LRRFIP1: variants seen among roughly 807,000 people sequenced by gnomAD.
The protein encoded by LRRFIP1 is leucine-rich repeat flightless-interacting protein 1.
LRRFIP1 carries 62 observed loss-of-function variants against 104.4 expected under a neutral mutation model. The observed-to-expected ratio is 0.59, with a 90% confidence interval of 0.48 to 0.73. The LOEUF (loss-of-function observed/expected upper bound fraction) is 0.73. Ranked by LOEUF, LRRFIP1 falls within the 30% of genes least tolerant of loss-of-function variation. The pLI is 0.00. For synonymous variants in LRRFIP1, 300 were observed against 299.0 expected (o/e 1.00, Z -0.03); for missense variants, 796 against 824.5 (o/e 0.97, Z 0.42).
chr2:237,775,727 A>T (rs1312523276), intron 23 of LRRFIP1, among the ~76,000 whole-genome samples: 4 of 152,116 alleles, frequency 2.6e-5, no homozygotes. Context: ...AGTCTCAGCT[A>T]CTTGGGAGGC....
intron 1 of LRRFIP1, among the ~76,000 whole-genome samples, chr2:237,656,855 C>G (rs2086902134): frequency 6.6e-6 from 1 of 152,156 alleles, no homozygotes; most frequent in South Asian, 2.1e-4. Flanking sequence ...TAATAAAATG[C>G]AACTGCTCCT....
intron 1 of LRRFIP1, among the ~76,000 whole-genome samples, chr2:237,664,432 G>A (rs557050125): frequency 7.9e-5 from 12 of 152,382 alleles, no homozygotes; most frequent in African/African-American, 2.9e-4. Context: ...CGGTGTGGCA[G>A]TGTGTTCAGC....
rs986788039 is a variant in LRRFIP1, at chr2:237,781,251, G to A, written c.*1719G>A. Among the ~76,000 whole-genome samples the A allele has an allele frequency of 5.9e-5, 9 of 152,226 alleles. No homozygotes were observed. Among genetic ancestry groups the A allele is most frequent in the East Asian group, 1.9e-4 (1 of 5,200 alleles). On this transcript the variant is annotated 3_prime_UTR_variant, in exon 24 of 24. Coordinates refer to ENST00000308482, the MANE Select transcript of LRRFIP1 (RefSeq NM_001137550.2). ...ACTCACACATCACGCAGACACGGCC[G>A]GCAGCATGCTGACGCTTTTAGGTAT...
chr2:237,640,871 AC>A (rs2083852827), intron 1 of LRRFIP1, among the ~76,000 whole-genome samples: 1 of 151,252 alleles, frequency 6.6e-6, no homozygotes, highest in Non-Finnish European at 1.5e-5. Flanking sequence ...CCCCCTTCCA[AC>A]CCCTGGCCTC....
chr2:237,764,613 A>G (rs371361272), intron 19 of LRRFIP1: 1 of 994,264 alleles, frequency 1.0e-6, no homozygotes, highest in South Asian at 4.5e-5. Context: ...TAAAATGTAC[A>G]TTATAACCTG....
In LRRFIP1 at chr2:237,649,404, G is replaced by A. The variant is rs1372455793; in HGVS notation, c.96+21664G>A. On this transcript the variant is annotated intron_variant, in intron 1 of 23. Coordinates refer to ENST00000308482, the MANE Select transcript of LRRFIP1 (RefSeq NM_001137550.2). The surrounding 1 kb of genome is among the most constrained non-coding windows in gnomAD (Gnocchi z 4.1). Reference sequence around the variant, plus strand: ...AAATTAGCCAGGCATAGTGGTGGGTGCCTGTAATCCCAGCTACTGGGGAGG... The same window carrying A: ...AAATTAGCCAGGCATAGTGGTGGGTACCTGTAATCCCAGCTACTGGGGAGG... Among the ~76,000 whole-genome samples the A allele has an allele frequency of 6.6e-6, 1 of 151,994 alleles. No homozygotes were observed. The highest frequency in any genetic ancestry group is 2.4e-5 in the African/African-American group (1 of 41,446).
At chr2:237,629,829 T>A (rs1574976127) in intron 1 of LRRFIP1, among the ~76,000 whole-genome samples, 1 of 152,292 alleles carries the variant, frequency 6.6e-6, no homozygotes, top group East Asian at 1.9e-4. Flanking sequence ...ACTCCTTGGG[T>A]TGAGAGCCCT....
intron 1 of LRRFIP1, among the ~76,000 whole-genome samples, chr2:237,663,549 G>A (rs1040645469): frequency 3.3e-5 from 5 of 152,224 alleles, no homozygotes; most frequent in Admixed American, 6.5e-5. Flanking sequence ...GGGCTTCACA[G>A]CCTCTGGAAC....
chr2:237,753,821 GGTGT>G (rs759587250), intron 15 of LRRFIP1, among the ~76,000 whole-genome samples: 5 of 132,944 alleles, frequency 3.8e-5, no homozygotes, highest in Non-Finnish European at 8.0e-5. Context: ...GGAATGGTAG[GGTGT>G]GTGTGTGTGT....
At chr2:237,674,885 A>C (rs2090904169) in intron 1 of LRRFIP1, among the ~76,000 whole-genome samples, 1 of 152,168 alleles carries the variant, frequency 6.6e-6, no homozygotes, top group African/African-American at 2.4e-5. Context: ...CTGGCTGTTG[A>C]ACTGTTGCCT....
intron 19 of LRRFIP1, 97 bp from the exon 20 acceptor site, chr2:237,769,846 A>G (rs2060471529): frequency 2.2e-6 from 2 of 915,872 alleles, no homozygotes; most frequent in Non-Finnish European, 3.5e-6. Context: ...TCCATCATTC[A>G]TTTCACTAAC....
Position 237,649,109 on chromosome 2 carries a change from A to T in LRRFIP1, c.96+21369A>T, listed in dbSNP as rs2085453501. Among the ~76,000 whole-genome samples, 1 of 151,630 alleles carries T rather than the reference A, an allele frequency of 6.6e-6. No individual in the cohort carries two copies. The highest frequency in any genetic ancestry group is 6.6e-5 in the Admixed American group (1 of 15,232). On this transcript the variant is annotated intron_variant, in intron 1 of 23. Transcript: ENST00000308482. The surrounding 1 kb of genome is among the most constrained non-coding windows in gnomAD (Gnocchi z 4.1). ...CTTGGCCGGCCCCTGGAGCTGGAGG[A>T]GGTGCTGGGCCATGGTTTGGAAGCT...
chr2:237,759,924 C>T (rs2059683843), intron 18 of LRRFIP1, 140 bp from the exon 19 acceptor site: 17 of 684,418 alleles, frequency 2.5e-5, no homozygotes, highest in South Asian at 1.5e-4. Context: ...ACGAGTGCTG[C>T]ACCCTAGCAT....
At chr2:237,667,063 A>G (rs188529773) in intron 1 of LRRFIP1, among the ~76,000 whole-genome samples, 2 of 151,030 alleles carry the variant, frequency 1.3e-5, no homozygotes, top group African/African-American at 4.9e-5. Flanking sequence ...AAGAACATGC[A>G]GGTTTGTTAC....
At chr2:237,682,460 T>G (rs1171468694) in intron 1 of LRRFIP1, among the ~76,000 whole-genome samples, 1 of 152,208 alleles carries the variant, frequency 6.6e-6, no homozygotes, top group Non-Finnish European at 1.5e-5. Flanking sequence ...AAACCTCTGC[T>G]TTGGAGCTTT....
At chr2:237,774,542 A>G (rs2060920381) in intron 23 of LRRFIP1, 80 bp downstream of exon 23, 4 of 907,928 alleles carry the variant, frequency 4.4e-6, no homozygotes, top group Non-Finnish European at 7.1e-6. Context: ...AGGATTTACT[A>G]CTGTGACATC....
chr2:237,663,462 G>C (rs1417485952), intron 1 of LRRFIP1, among the ~76,000 whole-genome samples: 2 of 152,154 alleles, frequency 1.3e-5, no homozygotes, highest in Non-Finnish European at 1.5e-5. Flanking sequence ...GACACAATGG[G>C]AAGGGGGCCC....
chr2:237,778,051 G>T (rs1183839651), intron 23 of LRRFIP1, among the ~76,000 whole-genome samples: 1 of 152,124 alleles, frequency 6.6e-6, no homozygotes, highest in East Asian at 1.9e-4. Context: ...ACAGCTGTTT[G>T]GTTTTCTGTA....
intron 1 of LRRFIP1, among the ~76,000 whole-genome samples, chr2:237,689,370 T>C (rs1015073463): frequency 2.6e-5 from 4 of 152,186 alleles, no homozygotes; most frequent in Admixed American, 2.6e-4. Flanking sequence ...CAGGACTGGC[T>C]GGGCTGAAAC....
Sources: allele counts gnomAD v4.1 joint callset (sites outside exome capture counted in the v4.1 genomes callset), GRCh38; gene constraint gnomAD v4.1.1; non-coding constraint Gnocchi (gnomAD v3.1); transcripts MANE v1.5; gene names NCBI Gene and HGNC (gene_info 2026-07-23, HGNC 2026-07-21).